The following CADM2 variants were observed in gnomAD, a reference collection of about 807,000 sequenced individuals.
The protein encoded by CADM2 is cell adhesion molecule 2, also known as immunoglobulin superfamily member 4D.
CADM2 carries 12 observed loss-of-function variants against 49.8 expected under a neutral mutation model. The ratio of observed to expected loss-of-function variants is 0.24; its 90% confidence interval spans 0.15 to 0.39. The LOEUF is 0.39. Among genes scored for constraint, CADM2 ranks in the 10% least tolerant of loss-of-function variants. The pLI is 1.00. For missense variants in CADM2, 378 were observed against 492.3 expected, an observed-to-expected ratio of 0.77 and a Z score of 2.20; for synonymous variants, 214 against 175.4, an observed-to-expected ratio of 1.22 and a Z score of -1.74.
At chr3:85,547,741 A>G (rs1349357394) in intron 1 of CADM2, among the ~76,000 whole-genome samples, 1 of 152,174 alleles carries the variant, frequency 6.6e-6, no homozygotes, top group East Asian at 1.9e-4. Flanking sequence ...CATGTGATGC[A>G]TTATTTAGAC....
rs544651131 is a variant in CADM2 at position 86,026,649 on chromosome 3, C to T, written c.971-38956C>T. On this transcript the variant is annotated intron_variant, in intron 8 of 9. Coordinates refer to ENST00000383699, the MANE Select transcript of CADM2 (RefSeq NM_001167675.2). ...TATTCATCCTTCAAAACCTCATGAA[C>T]TTTTAAGATCCTCTGAAATGCCTCT... Among the ~76,000 whole-genome samples, 5 of 152,244 alleles carry T rather than the reference C, an allele frequency of 3.3e-5. No individual in the cohort carries two copies. In the South Asian group the frequency reaches 1.0e-3, roughly 32 times the overall value.
At chr3:85,783,550 A>G (rs998970096) in intron 2 of CADM2, among the ~76,000 whole-genome samples, 8 of 152,068 alleles carry the variant, frequency 5.3e-5, no homozygotes, top group Non-Finnish European at 7.4e-5. Context: ...ACGCTTATCA[A>G]CCCTGCCATA....
At chr3:85,601,130 G>GTGTGTGTA (rs1328015269) in intron 1 of CADM2, among the ~76,000 whole-genome samples, 1 of 109,634 alleles carries the variant, frequency 9.1e-6, no homozygotes, top group African/African-American at 4.0e-5. Flanking sequence ...ATATATGTGT[G>GTGTGTGTA]TATATATATA....
rs1028023282 is a variant in CADM2 at position 85,725,125 on chromosome 3, T to C, written c.62-1397T>C. 9.2e-5 allele frequency among the ~76,000 whole-genome samples: 14 copies of C among 151,964 alleles called. 1 individual carries two copies. Among genetic ancestry groups the C allele is most frequent in the African/African-American group, 3.4e-4 (14 of 41,450 alleles). On this transcript the variant is annotated intron_variant, in intron 1 of 9. Coordinates refer to ENST00000383699, the MANE Select transcript of CADM2 (RefSeq NM_001167675.2). Reference sequence around the variant, plus strand: ...GAATGGGTCAAGGACTTAATCCAGATTTCCTAAAATAACTTTGTTTTTAGT... The same window carrying C: ...GAATGGGTCAAGGACTTAATCCAGACTTCCTAAAATAACTTTGTTTTTAGT...
intron 1 of CADM2, among the ~76,000 whole-genome samples, chr3:85,697,832 A>G (rs1186581970): frequency 6.6e-6 from 1 of 152,216 alleles, no homozygotes; most frequent in Non-Finnish European, 1.5e-5. Flanking sequence ...TCAAAATTAT[A>G]ACACTTATGT....
chr3:85,005,069 G>C (rs1011226259), intron 1 of CADM2, among the ~76,000 whole-genome samples: 1 of 152,142 alleles, frequency 6.6e-6, no homozygotes, highest in Non-Finnish European at 1.5e-5. Flanking sequence ...CCCCTCCAAT[G>C]AGTAGCTGGG....
At chr3:85,896,114 G>C (rs926871256) in intron 5 of CADM2, among the ~76,000 whole-genome samples, 1 of 151,998 alleles carries the variant, frequency 6.6e-6, no homozygotes, top group Admixed American at 6.6e-5. Flanking sequence ...AAAATAATGA[G>C]ATCCTCTCTC....
chr3:85,519,467 T>C (rs1199804006), intron 1 of CADM2, among the ~76,000 whole-genome samples: 2 of 152,136 alleles, frequency 1.3e-5, no homozygotes, highest in Non-Finnish European at 2.9e-5. Flanking sequence ...TATAACCTGG[T>C]TCTTCCACTA....
At chr3:85,432,399 G>T (rs1005889895) in intron 1 of CADM2, among the ~76,000 whole-genome samples, 4 of 152,006 alleles carry the variant, frequency 2.6e-5, no homozygotes, top group Non-Finnish European at 2.9e-5. Context: ...AAAGGTTCAA[G>T]AATTTCTGCA....
chr3:84,965,572 A>T (rs925607138), intron 1 of CADM2, among the ~76,000 whole-genome samples: 4 of 152,246 alleles, frequency 2.6e-5, no homozygotes, highest in African/African-American at 9.6e-5. Flanking sequence ...ATGAATGGTG[A>T]ACATTTAATT....
intron 1 of CADM2, among the ~76,000 whole-genome samples, chr3:85,138,709 G>T (rs1345965056): frequency 6.6e-6 from 1 of 151,914 alleles, no homozygotes; most frequent in Non-Finnish European, 1.5e-5. Flanking sequence ...TCTCCATAAG[G>T]GTATGATATT....
chr3:85,669,958 G>A (rs1218135870), intron 1 of CADM2, among the ~76,000 whole-genome samples: 1 of 129,776 alleles, frequency 7.7e-6, no homozygotes, highest in Non-Finnish European at 1.8e-5. Context: ...GAAGAATCTT[G>A]GGTTCTTTTC....
At chr3:85,810,756 T>C (rs2072819401) in intron 3 of CADM2, among the ~76,000 whole-genome samples, 1 of 151,898 alleles carries the variant, frequency 6.6e-6, no homozygotes, top group African/African-American at 2.4e-5. Context: ...ACCACGCTGG[T>C]CTCGAACTCC....
chr3:85,548,075 A>T (rs2061708450), intron 1 of CADM2, among the ~76,000 whole-genome samples: 1 of 151,828 alleles, frequency 6.6e-6, no homozygotes, highest in Non-Finnish European at 1.5e-5. Context: ...AGCTGTGTTA[A>T]CTAGAGCCAG....
chr3:86,037,401 C>T (rs1022183850), intron 8 of CADM2, among the ~76,000 whole-genome samples: 2 of 151,986 alleles, frequency 1.3e-5, no homozygotes, highest in East Asian at 1.9e-4. Context: ...CCACATGTGC[C>T]GTTTAACACT....
intron 1 of CADM2, among the ~76,000 whole-genome samples, chr3:85,629,657 T>C (rs1471257219): frequency 6.6e-6 from 1 of 151,972 alleles, no homozygotes; most frequent in Admixed American, 6.6e-5. Flanking sequence ...TATTTTACAA[T>C]AAAGTTTCTT....
chr3:85,106,512 C>A (rs1227500546), intron 1 of CADM2, among the ~76,000 whole-genome samples: 3 of 151,990 alleles, frequency 2.0e-5, no homozygotes, highest in Non-Finnish European at 4.4e-5. Flanking sequence ...TTCACTTATA[C>A]CATAAATGAA....
At chr3:85,466,921 T>G (rs2038521466) in intron 1 of CADM2, among the ~76,000 whole-genome samples, 1 of 152,144 alleles carries the variant, frequency 6.6e-6, no homozygotes, top group Non-Finnish European at 1.5e-5. Context: ...TAACTTAACA[T>G]TTTGATCCAG....
chr3:86,011,555 AAGG>A (rs1463992925), intron 8 of CADM2, among the ~76,000 whole-genome samples: 1 of 152,126 alleles, frequency 6.6e-6, no homozygotes, highest in Non-Finnish European at 1.5e-5. Context: ...CGATAAGAAA[AAGG>A]AGAAGTAGGA....
Sources: allele counts gnomAD v4.1 joint callset (sites outside exome capture counted in the v4.1 genomes callset), GRCh38; gene constraint gnomAD v4.1.1; transcripts MANE v1.5; gene names NCBI Gene and HGNC (gene_info 2026-07-23, HGNC 2026-07-21).